PCDHGA9: variants seen among roughly 807,000 people sequenced by gnomAD.
PCDHGA9 encodes protocadherin gamma-A9.
PCDHGA9 carries 37 observed loss-of-function variants against 62.5 expected under a neutral mutation model. The observed-to-expected ratio is 0.59, with a 90% CI of 0.46 to 0.78. PCDHGA9 has a LOEUF of 0.78. PCDHGA9 is among the 30% of genes least tolerant of loss of function. PCDHGA9 has a pLI of 0.00. For synonymous variants in PCDHGA9, 459 were observed against 484.6 expected, an observed-to-expected ratio of 0.95 and a Z score of 0.69; for missense variants, 1,138 against 1,166.2, an observed-to-expected ratio of 0.98 and a Z score of 0.35.
At chr5:141,494,736 T>C in intron 1 of PCDHGA9, 71 bp from the exon 2 acceptor site, 1 of 1,611,858 alleles carries the variant, frequency 6.2e-7, no homozygotes, top group Non-Finnish European at 8.5e-7. Context: ...TCCCGGCCCA[T>C]CCCTAGGGGC....
intron 3 of PCDHGA9, among the ~76,000 whole-genome samples, chr5:141,510,330 C>T (rs1420880240): frequency 6.6e-6 from 1 of 151,298 alleles, no homozygotes; most frequent in Non-Finnish European, 1.5e-5. Context: ...GCACTCTTCA[C>T]CCCCACCCCA....
rs766638463 is a variant in PCDHGA9 at position 141,476,525 on chromosome 5, A to G, written c.2425-18282A>G. ...CAACGACAACAATCCTGCTTTCCCT[A>G]CCCAGGAAATGAAATTGGAGATTAG... On this transcript the variant is annotated intron_variant, in intron 1 of 3. Transcript: ENST00000573521. This position sits in a 1 kb window ranked among gnomAD's most constrained non-coding sequence, Gnocchi z 7.6. 6 of 1,613,950 alleles carry G rather than the reference A, an allele frequency of 3.7e-6. No homozygotes were observed. The African/African-American group carries it at 6.7e-5, about 18-fold the overall frequency.
intron 1 of PCDHGA9, among the ~76,000 whole-genome samples, chr5:141,443,085 G>A (rs991288098): frequency 3.9e-5 from 6 of 151,916 alleles, no homozygotes; most frequent in Admixed American, 2.6e-4. Flanking sequence ...GAGTGTTCCA[G>A]TCTCCTTCTC....
At chr5:141,419,773 C>G (rs2096431068) in intron 1 of PCDHGA9, 1 of 1,613,916 alleles carries the variant, frequency 6.2e-7, no homozygotes, top group Non-Finnish European at 8.5e-7. Context: ...AGGACTCGGT[C>G]CGCCAGCGCC....
intron 1 of PCDHGA9, among the ~76,000 whole-genome samples, chr5:141,434,860 A>G (rs2097723622): frequency 6.6e-6 from 1 of 151,982 alleles, no homozygotes; most frequent in African/African-American, 2.4e-5. Flanking sequence ...ATAAATTTAT[A>G]TATATGTGAC....
chr5:141,441,737 C>T lies in PCDHGA9; in HGVS notation c.2424+36361C>T, dbSNP rs2098268916. 5 of 365,122 alleles carry T rather than the reference C, an allele frequency of 1.4e-5. 1 individual carries two copies. The highest frequency in any genetic ancestry group is 1.1e-4 in the South Asian group (5 of 46,286). 22.6% of individuals were successfully genotyped at this position (365,122 alleles called of 1,614,324 possible). ...TGCAGGCCCGCGACCAGGACTAGCT[C>T]GCGCTCGGCGTCAACGTGAGCCTGC... On this transcript the variant is annotated intron_variant, in intron 1 of 3. Transcript: ENST00000573521.
intron 1 of PCDHGA9, chr5:141,420,202 C>T (rs2096476837): frequency 6.2e-7 from 1 of 1,613,136 alleles, no homozygotes. Flanking sequence ...AAGATAACCT[C>T]AACAAAGATA....
At chr5:141,406,515 T>C (rs2094818414) in intron 1 of PCDHGA9, among the ~76,000 whole-genome samples, 1 of 152,234 alleles carries the variant, frequency 6.6e-6, no homozygotes, top group Non-Finnish European at 1.5e-5. Context: ...TGTTTGTGTT[T>C]ACAGATATTT....
At chr5:141,468,744 T>G (rs113912306) in intron 1 of PCDHGA9, among the ~76,000 whole-genome samples, 5,602 of 152,138 alleles carry the variant, frequency 0.037, 142 homozygotes, top group South Asian at 0.077. Flanking sequence ...CGGGTGCCTG[T>G]AGTCCCAGCT....
chr5:141,490,288 G>T lies in PCDHGA9; in HGVS notation c.2425-4519G>T, dbSNP rs2099698282. 1.2e-6 allele frequency: 2 copies of T among 1,614,080 alleles called. No homozygotes were observed. Among genetic ancestry groups the T allele is most frequent in the South Asian group, 1.1e-5 (1 of 91,092 alleles). On this transcript the variant is annotated intron_variant, in intron 1 of 3. Transcript: ENST00000573521. This position sits in a 1 kb window ranked among gnomAD's most constrained non-coding sequence, Gnocchi z 5.4. ...GGATGTCAATGACAATGCCCCAGAG[G>T]TGCTATTGGCCTCTTTGGCCAACCC...
intron 2 of PCDHGA9, among the ~76,000 whole-genome samples, chr5:141,504,078 CCAAA>C (rs1272625151): frequency 6.6e-6 from 1 of 152,078 alleles, no homozygotes; most frequent in South Asian, 2.1e-4. Context: ...CCAGATGGTG[CCAAA>C]CAGTTACCTA....
chr5:141,491,441 A>G lies in PCDHGA9; in HGVS notation c.2425-3366A>G, dbSNP rs776616506. 1.2e-6 allele frequency: 2 copies of G among 1,614,146 alleles called. No homozygotes were observed. The highest frequency in any genetic ancestry group is 1.7e-6 in the Non-Finnish European group (2 of 1,180,032). ...GGTGGAGGGCAGTGCTGCAGGCGCCAGGACTCACCCTCCCCGGACTTCTAT... is the reference window on the plus strand; with the variant it reads ...GGTGGAGGGCAGTGCTGCAGGCGCCGGGACTCACCCTCCCCGGACTTCTAT... On this transcript the variant is annotated intron_variant, in intron 1 of 3. Coordinates refer to ENST00000573521, the MANE Select transcript of PCDHGA9 (RefSeq NM_018921.3). The surrounding 1 kb of genome is among the most constrained non-coding windows in gnomAD (Gnocchi z 6.9).
chr5:141,433,067 T>C, intron 1 of PCDHGA9: 3 of 1,614,144 alleles, frequency 1.9e-6, no homozygotes, highest in Non-Finnish European at 2.5e-6. Context: ...TCACCTGATC[T>C]TCCCCCAGCC....
At chr5:141,483,084 CA>C (rs898059463) in intron 1 of PCDHGA9, among the ~76,000 whole-genome samples, 4 of 150,440 alleles carry the variant, frequency 2.7e-5, no homozygotes, top group Middle Eastern at 3.4e-3. Flanking sequence ...GACTCCATCT[CA>C]AAAAAAAAGT....
chr5:141,413,049 A>C (rs2095599926), intron 1 of PCDHGA9: 5 of 904,176 alleles, frequency 5.5e-6, no homozygotes, highest in Non-Finnish European at 8.1e-6. Context: ...GCTGCAGGGA[A>C]GCTCACTCCA....
Position 141,491,329 on chromosome 5 carries a change from G to A in PCDHGA9, c.2425-3478G>A. The A allele has an allele frequency of 6.2e-7, 1 of 1,614,142 alleles. No individual in the cohort carries two copies. Among genetic ancestry groups the A allele is most frequent in the Non-Finnish European group, 8.5e-7 (1 of 1,180,022 alleles). On this transcript the variant is annotated intron_variant, in intron 1 of 3. Coordinates refer to ENST00000573521, the MANE Select transcript of PCDHGA9 (RefSeq NM_018921.3). The surrounding 1 kb of genome is among the most constrained non-coding windows in gnomAD (Gnocchi z 6.9). ...AGACCTTACCCTTTACCTCATTGTG[G>A]CTCTAGCGACCGTCAGTCTCTTATC...
chr5:141,474,597 T>C (rs1454833258), intron 1 of PCDHGA9, among the ~76,000 whole-genome samples: 2 of 152,248 alleles, frequency 1.3e-5, no homozygotes, highest in Non-Finnish European at 2.9e-5. Flanking sequence ...CATGGAAATA[T>C]AGGTCACATA....
chr5:141,455,133 C>G (rs1172825339), intron 1 of PCDHGA9, among the ~76,000 whole-genome samples: 2 of 151,392 alleles, frequency 1.3e-5, no homozygotes, highest in African/African-American at 4.9e-5. Context: ...TTAAATTACA[C>G]TGTGTTAAAT....
rs774113255 is a variant in PCDHGA9 at position 141,405,285 on chromosome 5, C to T, written c.2333C>T (p.Thr778Ile). 3.7e-6 allele frequency: 6 copies of T among 1,614,080 alleles called. No individual in the cohort carries two copies. The Admixed American group carries it at 1.0e-4, about 27-fold the overall frequency. Residue 778 changes from threonine to isoleucine, a missense_variant, in exon 1 of 4, where the codon ACA (threonine) becomes ATA (isoleucine). Thr to Ile is a moderately conservative substitution (Grantham distance 89). Coordinates refer to ENST00000573521, the MANE Select transcript of PCDHGA9 (RefSeq NM_018921.3). ...TTCCCCCAGCCCAACTATGCAGACACACTCATCAGCCAGCAGAGCTGTGAG... is the reference window on the plus strand; with the variant it reads ...TTCCCCCAGCCCAACTATGCAGACATACTCATCAGCCAGCAGAGCTGTGAG... ...LIFPQPNYAD[T>I]LISQQSCEKN...
Sources: gnomAD v4.1 joint callset for allele counts (sites outside exome capture counted in the v4.1 genomes callset) on GRCh38, gnomAD v4.1.1 for gene constraint, Gnocchi (gnomAD v3.1) non-coding constraint, MANE v1.5 for transcripts, NCBI Gene and HGNC (gene_info 2026-07-23, HGNC 2026-07-21) for gene names.